Variants in PTPN1 observed in about 807,000 individuals in gnomAD.
PTPN1 encodes protein tyrosine phosphatase non-receptor type 1.
In PTPN1, 12 loss-of-function variants were observed where a neutral mutation model predicts 59.9. That is an observed-to-expected ratio of 0.20 (90% confidence interval 0.13 to 0.32). PTPN1 has a LOEUF of 0.32. Ranked by LOEUF, PTPN1 falls within the 10% of genes least tolerant of loss-of-function variation. PTPN1 has a pLI of 1.00. For synonymous variants in PTPN1, 178 were observed against 203.6 expected (o/e 0.87, Z 1.07); for missense variants, 356 against 549.2 (o/e 0.65, Z 3.52).
At chr20:50,570,272 C>T (rs1401229387) in intron 4 of PTPN1, among the ~76,000 whole-genome samples, 2 of 152,042 alleles carry the variant, frequency 1.3e-5, no homozygotes, top group African/African-American at 2.4e-5. Flanking sequence ...CTTAGGACAG[C>T]GCGTGTTTAA....
chr20:50,580,591 G>A (rs1425992043), intron 8 of PTPN1, among the ~76,000 whole-genome samples: 1 of 152,202 alleles, frequency 6.6e-6, no homozygotes, highest in Non-Finnish European at 1.5e-5. Context: ...TGCAGAATGA[G>A]CAGGTGTTAG....
intron 1 of PTPN1, among the ~76,000 whole-genome samples, chr20:50,522,770 TGA>T (rs1382278633): frequency 6.6e-6 from 1 of 152,244 alleles, no homozygotes; most frequent in Non-Finnish European, 1.5e-5. Context: ...TATTTATTTT[TGA>T]GGCAGAGTTT....
intron 2 of PTPN1, 125 bp downstream of exon 2, chr20:50,561,578 A>T (rs2082752641): frequency 1.1e-5 from 6 of 564,572 alleles, no homozygotes; most frequent in Admixed American, 7.4e-5. Flanking sequence ...TTATGACGCG[A>T]TTGTTTCCTA....
chr20:50,550,960 T>A (rs1021718100), intron 1 of PTPN1, among the ~76,000 whole-genome samples: 1 of 152,234 alleles, frequency 6.6e-6, no homozygotes, highest in East Asian at 1.9e-4. Context: ...CATGGAAATA[T>A]TTCCGCAAGG....
intron 1 of PTPN1, among the ~76,000 whole-genome samples, chr20:50,560,473 C>T (rs1344226397): frequency 6.6e-6 from 1 of 152,064 alleles, no homozygotes; most frequent in Non-Finnish European, 1.5e-5. Context: ...GTGGAAATCT[C>T]GGGCGGTCTG....
chr20:50,544,330 T>G, intron 1 of PTPN1, among the ~76,000 whole-genome samples: 1 of 151,798 alleles, frequency 6.6e-6, no homozygotes, highest in East Asian at 1.9e-4. Flanking sequence ...GTTTTATTTT[T>G]ATTTTTGTAG....
At chr20:50,547,326 G>GT (rs1304339971) in intron 1 of PTPN1, among the ~76,000 whole-genome samples, 1 of 151,202 alleles carries the variant, frequency 6.6e-6, no homozygotes, top group African/African-American at 2.4e-5. Context: ...TTGGTGTGCT[G>GT]TTTCTAAATT....
rs2082874566 is a variant in PTPN1 at position 50,582,626 on chromosome 20, A to G, written c.1285-66A>G. 2.5e-6 allele frequency: 4 copies of G among 1,576,296 alleles called. No individual in the cohort carries two copies. The highest frequency in any genetic ancestry group is 1.7e-5 in the Admixed American group (1 of 57,508). ...GTTGCCGGGGGGTGTGGCCGGGGTC[A>G]TGCATGAGGCGACAGCTCTGCAGGT... On this transcript the variant is annotated intron_variant, in intron 9 of 9. Transcript: ENST00000371621. This position sits in a 1 kb window ranked among gnomAD's most constrained non-coding sequence, Gnocchi z 4.2.
chr20:50,536,296 A>G (rs928011749), intron 1 of PTPN1, among the ~76,000 whole-genome samples: 12 of 152,320 alleles, frequency 7.9e-5, no homozygotes, highest in African/African-American at 2.9e-4. Context: ...GTTGGCGCTT[A>G]CTTCATTTAA....
At chr20:50,571,479 C>T (rs1462729752) in intron 4 of PTPN1, 1 of 152,246 alleles carries the variant, frequency 6.6e-6, no homozygotes, top group Non-Finnish European at 1.5e-5. Context: ...TGAGAAGTTA[C>T]AGTATCTTAT....
At chr20:50,563,622 C>T (rs1463215435) in intron 2 of PTPN1, among the ~76,000 whole-genome samples, 1 of 152,124 alleles carries the variant, frequency 6.6e-6, no homozygotes, top group African/African-American at 2.4e-5. Flanking sequence ...AACAGTGTTC[C>T]AGATGGTGGC....
At chr20:50,567,558 C>T (rs1302439872) in intron 3 of PTPN1, among the ~76,000 whole-genome samples, 2 of 152,188 alleles carry the variant, frequency 1.3e-5, no homozygotes, top group African/African-American at 4.8e-5. Flanking sequence ...CTTCCAGCCA[C>T]TGCTAATAAT....
chr20:50,542,795 T>C (rs1206443315), intron 1 of PTPN1, among the ~76,000 whole-genome samples: 10 of 152,244 alleles, frequency 6.6e-5, no homozygotes, highest in Admixed American at 6.5e-4. Flanking sequence ...GTTTACTGCC[T>C]GCTTCCATTG....
intron 1 of PTPN1, among the ~76,000 whole-genome samples, chr20:50,544,086 C>T (rs934228196): frequency 5.9e-5 from 9 of 152,108 alleles, no homozygotes. Context: ...CCTCGTGATC[C>T]GCCTGCCTCG....
At chr20:50,518,331 T>C (rs1314105178) in intron 1 of PTPN1, among the ~76,000 whole-genome samples, 2 of 152,214 alleles carry the variant, frequency 1.3e-5, no homozygotes, top group Non-Finnish European at 2.9e-5. Flanking sequence ...AAGGATGAAG[T>C]CACTTCTGAA....
At chr20:50,581,150 C>T in intron 8 of PTPN1, 115 bp from the exon 9 acceptor site, 1 of 1,440,448 alleles carries the variant, frequency 6.9e-7, no homozygotes, top group Non-Finnish European at 9.2e-7. Flanking sequence ...TTAACATCAT[C>T]CAACTCTGTC....
chr20:50,554,121 A>C (rs1338046653), intron 1 of PTPN1, among the ~76,000 whole-genome samples: 1 of 152,200 alleles, frequency 6.6e-6, no homozygotes, highest in East Asian at 1.9e-4. Flanking sequence ...TAGGCCTGGC[A>C]CACTGTCTCA....
At chr20:50,567,945 G>C (rs2082786949) in intron 3 of PTPN1, among the ~76,000 whole-genome samples, 1 of 152,220 alleles carries the variant, frequency 6.6e-6, no homozygotes, top group South Asian at 2.1e-4. Flanking sequence ...AGGGAGCGAT[G>C]AAGTGACTTG....
chr20:50,515,354 CTTGCACCAGAGTTTTG>C (rs932368774), intron 1 of PTPN1, among the ~76,000 whole-genome samples: 44 of 152,328 alleles, frequency 2.9e-4, no homozygotes, highest in African/African-American at 1.0e-3. Flanking sequence ...TGTGTGCTTC[CTTGCACCAGAGTTTTG>C]TTCCGTCACC....
Sources: gnomAD v4.1 joint callset for allele counts (sites outside exome capture counted in the v4.1 genomes callset) on GRCh38, gnomAD v4.1.1 for gene constraint, Gnocchi (gnomAD v3.1) non-coding constraint, MANE v1.5 for transcripts, NCBI Gene and HGNC (gene_info 2026-07-23, HGNC 2026-07-21) for gene names.